The following ADCY1 variants were observed in gnomAD, a reference collection of about 807,000 sequenced individuals.
ADCY1 encodes adenylate cyclase 1, also known as adenylate cyclase type 1.
ADCY1 carries 28 observed loss-of-function variants against 105.4 expected under a neutral mutation model. That is an observed-to-expected ratio of 0.27 (90% CI 0.20 to 0.36). The LOEUF (loss-of-function observed/expected upper bound fraction) is 0.36, where lower values mean the gene tolerates loss of function less well. ADCY1 is among the 10% of genes least tolerant of loss of function. ADCY1 has a pLI of 1.00. For missense variants in ADCY1, 977 were observed against 1,434.2 expected, an observed-to-expected ratio of 0.68 and a Z score of 5.15; for synonymous variants, 655 against 623.8, an observed-to-expected ratio of 1.05 and a Z score of -0.75.
chr7:45,611,940 G>A lies in ADCY1; in HGVS notation c.908+1443G>A, dbSNP rs148493866. Among the ~76,000 whole-genome samples, 260 of 152,290 alleles carry A rather than the reference G, an allele frequency of 1.7e-3. 1 individual carries two copies. The highest frequency in any genetic ancestry group is 6.8e-3 in the Middle Eastern group (2 of 294). ...AAACTCTCAGTCCTTCTTATGTTGA[G>A]CACCACAGACTGGGTCCCTGCAAAC... On this transcript the variant is annotated intron_variant, in intron 3 of 19. Coordinates refer to ENST00000297323, the MANE Select transcript of ADCY1 (RefSeq NM_021116.4).
chr7:45,688,302 C>T (rs1460306390), intron 14 of ADCY1, among the ~76,000 whole-genome samples: 1 of 152,192 alleles, frequency 6.6e-6, no homozygotes, highest in Non-Finnish European at 1.5e-5. Context: ...AAATTCTATT[C>T]CTGATGTCGT....
At position 45,713,711 on chromosome 7, in the gene ADCY1, C is replaced by T. The variant is rs765834928; in HGVS notation, c.3076C>T (p.Arg1026Trp). The T allele has an allele frequency of 6.4e-6, 5 of 780,336 alleles. No homozygotes were observed. The highest frequency in any genetic ancestry group is 2.4e-5 in the East Asian group (1 of 41,238). The allele number at this position is 780,336 out of a possible 1,614,324, so 48.3% of individuals were successfully genotyped here. The change falls in exon 20 of 20, where the codon CGG becomes TGG. Residue 1026 changes from arginine to tryptophan, a missense_variant. Around this residue, in one of 7 missense-constraint regions of ADCY1, gnomAD observed 78 missense variants for 60.0 expected, o/e 1.30. Transcript: ENST00000297323. ...GRIQVTEEVHRLLRRCPYHFV... is the reference protein window; with the variant it reads ...GRIQVTEEVHWLLRRCPYHFV... Reference sequence around the variant, plus strand: ...TCAACAGGTGACTGAGGAAGTCCACCGGCTGCTGAGAAGGTGCCCCTACCA... The same window carrying T: ...TCAACAGGTGACTGAGGAAGTCCACTGGCTGCTGAGAAGGTGCCCCTACCA...
intron 5 of ADCY1, among the ~76,000 whole-genome samples, chr7:45,649,696 G>C (rs1584302451): frequency 6.6e-6 from 1 of 152,338 alleles, no homozygotes; most frequent in African/African-American, 2.4e-5. Flanking sequence ...TGACTGGAAG[G>C]AGGCGGTTGG....
intron 1 of ADCY1, 60 bp from the exon 2 acceptor site, chr7:45,592,699 G>C: frequency 6.2e-7 from 1 of 1,608,390 alleles, no homozygotes; most frequent in Non-Finnish European, 8.5e-7. Flanking sequence ...GGGCGGCCTA[G>C]GCCCTCTTTG....
At chr7:45,704,816 G>A (rs562843716) in intron 17 of ADCY1, among the ~76,000 whole-genome samples, 200 bp downstream of exon 17, 8 of 152,158 alleles carry the variant, frequency 5.3e-5, no homozygotes, top group South Asian at 2.1e-4. Context: ...AGAAGGCACC[G>A]GAGCTTCCTC....
intron 11 of ADCY1, chr7:45,680,693 G>A (rs902688111): frequency 6.6e-6 from 1 of 152,012 alleles, no homozygotes; most frequent in African/African-American, 2.4e-5. Flanking sequence ...GTGACATTTG[G>A]TTTGACAAAT....
intron 14 of ADCY1, among the ~76,000 whole-genome samples, chr7:45,701,894 G>A (rs751488117): frequency 1.3e-5 from 2 of 152,112 alleles, no homozygotes; most frequent in Non-Finnish European, 2.9e-5. Flanking sequence ...ATGGTCCCTG[G>A]GTTTCTTTTG....
intron 8 of ADCY1, among the ~76,000 whole-genome samples, chr7:45,677,259 C>G (rs1357969305): frequency 6.6e-6 from 1 of 152,154 alleles, no homozygotes; most frequent in Non-Finnish European, 1.5e-5. Flanking sequence ...ATTTTCTTCT[C>G]AAGTATATTA....
rs1482369822 is a variant in ADCY1, at chr7:45,712,014, ATTTT to A, written c.3057+1363_3057+1366del. 1.6e-3 allele frequency among the ~76,000 whole-genome samples: 183 copies of A among 112,616 alleles called. 1 individual carries two copies. Among genetic ancestry groups the A allele is most frequent in the Non-Finnish European group, 2.5e-3 (149 of 60,412 alleles). 73.9% of individuals were successfully genotyped at this position (112,616 alleles called of 152,430 possible). A position where few individuals can be genotyped will look rare whatever the true frequency, so the allele number is the denominator to read the frequency against. On this transcript the variant is annotated intron_variant, in intron 19 of 19. Transcript: ENST00000297323. ...ATTTTATATATTATATTAAATATATATTTTATATATTATACTAAATATATATTTT... is the reference window on the plus strand; with the variant it reads ...ATTTTATATATTATATTAAATATATAATATATTATACTAAATATATATTTT...
chr7:45,645,053 C>G (rs2116043503), intron 4 of ADCY1, among the ~76,000 whole-genome samples: 1 of 152,154 alleles, frequency 6.6e-6, no homozygotes, highest in Middle Eastern at 3.4e-3. Context: ...ATGAGTTGCC[C>G]AGGTTCTAGG....
intron 2 of ADCY1, among the ~76,000 whole-genome samples, 189 bp downstream of exon 2, chr7:45,593,097 TGA>T (rs1419380692): frequency 1.3e-5 from 2 of 152,156 alleles, no homozygotes; most frequent in Non-Finnish European, 2.9e-5. Flanking sequence ...ACAGGCAGGC[TGA>T]GTTTGCTGCC....
At chr7:45,713,180 G>T (rs1341715522) in intron 19 of ADCY1, among the ~76,000 whole-genome samples, 1 of 152,194 alleles carries the variant, frequency 6.6e-6, no homozygotes, top group Non-Finnish European at 1.5e-5. Flanking sequence ...TGGCTGTTGA[G>T]GTGCCAAGAG....
At chr7:45,578,303 G>A (rs766959182) in intron 1 of ADCY1, among the ~76,000 whole-genome samples, 3 of 152,198 alleles carry the variant, frequency 2.0e-5, no homozygotes, top group Non-Finnish European at 2.9e-5. Context: ...CGGCACTGAG[G>A]GGGAGGTATC....
intron 14 of ADCY1, among the ~76,000 whole-genome samples, chr7:45,691,244 T>C (rs1294546617): frequency 6.6e-6 from 1 of 152,216 alleles, no homozygotes; most frequent in Non-Finnish European, 1.5e-5. Flanking sequence ...TCCTGGGCCT[T>C]GGGGCAGCCC....
chr7:45,635,137 A>G (rs890136989), intron 4 of ADCY1, among the ~76,000 whole-genome samples: 109 of 124,412 alleles, frequency 8.8e-4, no homozygotes, highest in African/African-American at 3.0e-3. Flanking sequence ...TAGTGAGGTC[A>G]GTTTTTTTTT....
intron 18 of ADCY1, among the ~76,000 whole-genome samples, chr7:45,709,389 G>C (rs2116275325): frequency 6.6e-6 from 1 of 152,358 alleles, no homozygotes; most frequent in East Asian, 1.9e-4. Context: ...ATGCAGTGGG[G>C]CTGGACAAGG....
At chr7:45,616,801 G>A (rs1162292064) in intron 3 of ADCY1, among the ~76,000 whole-genome samples, 1 of 152,172 alleles carries the variant, frequency 6.6e-6, no homozygotes, top group Admixed American at 6.5e-5. Flanking sequence ...CATAGTACTG[G>A]AAGTCCTGCC....
chr7:45,669,166 C>T (rs1454885334), intron 8 of ADCY1, among the ~76,000 whole-genome samples: 4 of 151,918 alleles, frequency 2.6e-5, no homozygotes, highest in African/African-American at 4.8e-5. Context: ...TCTTGGCTTC[C>T]GCTAGCTTTT....
At chr7:45,688,760 A>C (rs1240981650) in intron 14 of ADCY1, among the ~76,000 whole-genome samples, 1 of 152,022 alleles carries the variant, frequency 6.6e-6, no homozygotes, top group Non-Finnish European at 1.5e-5. Flanking sequence ...GATATATTTC[A>C]CATAACACAA....
Sources: gnomAD v4.1 joint callset for allele counts (sites outside exome capture counted in the v4.1 genomes callset) on GRCh38, gnomAD v4.1.1 for gene constraint, gnomAD v4.1.1 regional missense constraint, MANE v1.5 for transcripts, NCBI Gene and HGNC (gene_info 2026-07-23, HGNC 2026-07-21) for gene names.